The following LRP1B variants were observed in gnomAD, a reference collection of about 807,000 sequenced individuals.
LRP1B encodes the protein low-density lipoprotein receptor-related protein 1B.
LRP1B carries 217 observed loss-of-function variants against 556.6 expected under a neutral mutation model. That is an observed-to-expected ratio of 0.39 (90% CI 0.35 to 0.44). The LOEUF (loss-of-function observed/expected upper bound fraction) is 0.44, where lower values mean the gene tolerates loss of function less well. Ranked by LOEUF, LRP1B falls within the 20% of genes least tolerant of loss-of-function variation. The pLI is 1.00. For synonymous variants in LRP1B, 2,047 were observed against 1,865.8 expected, an observed-to-expected ratio of 1.10 and a Z score of -2.50; for missense variants, 5,053 against 5,620.8, an observed-to-expected ratio of 0.90 and a Z score of 3.23.
At chr2:141,886,982 G>GGGT (rs1699141141) in intron 1 of LRP1B, among the ~76,000 whole-genome samples, 2 of 96,692 alleles carry the variant, frequency 2.1e-5, no homozygotes, top group African/African-American at 8.8e-5. Context: ...TTTTTTTTGG[G>GGGT]TTTTTTGTTT....
At chr2:141,934,145 T>C (rs987991634) in intron 1 of LRP1B, among the ~76,000 whole-genome samples, 2 of 152,134 alleles carry the variant, frequency 1.3e-5, no homozygotes, top group African/African-American at 4.8e-5. Flanking sequence ...TATTGCTTTT[T>C]ATATGTAAAA....
chr2:141,096,480 G>A (rs1422348886), intron 7 of LRP1B, among the ~76,000 whole-genome samples: 4 of 151,798 alleles, frequency 2.6e-5, no homozygotes, highest in Non-Finnish European at 2.9e-5. Context: ...CCCAGCTACT[G>A]GGGAGGCTGA....
intron 32 of LRP1B, among the ~76,000 whole-genome samples, chr2:140,805,479 C>A (rs187820593): frequency 6.6e-6 from 1 of 152,220 alleles, no homozygotes; most frequent in East Asian, 1.9e-4. Flanking sequence ...TATTCTAAGA[C>A]AAATTAAGCA....
intron 2 of LRP1B, among the ~76,000 whole-genome samples, chr2:141,558,043 T>G (rs1031744254): frequency 1.3e-5 from 2 of 151,934 alleles, no homozygotes; most frequent in Non-Finnish European, 2.9e-5. Context: ...TTTGCAGGTC[T>G]GCAATGATAA....
At chr2:140,556,583 A>C (rs1558965811) in intron 43 of LRP1B, among the ~76,000 whole-genome samples, 1 of 152,098 alleles carries the variant, frequency 6.6e-6, no homozygotes, top group Non-Finnish European at 1.5e-5. Flanking sequence ...AAATAAACTT[A>C]TATGCTGTTC....
At chr2:141,638,596 G>A (rs1344858351) in intron 2 of LRP1B, among the ~76,000 whole-genome samples, 4 of 116,542 alleles carry the variant, frequency 3.4e-5, no homozygotes, top group Admixed American at 8.5e-5. Flanking sequence ...CCGAGACCAG[G>A]CAAAGCAGTG....
At chr2:140,413,267 C>T (rs1046271463) in intron 66 of LRP1B, among the ~76,000 whole-genome samples, 8 of 152,108 alleles carry the variant, frequency 5.3e-5, no homozygotes, top group Admixed American at 5.2e-4. Flanking sequence ...AAAATAAAGT[C>T]ATCTTAATCC....
chr2:141,922,505 A>G (rs1385991271), intron 1 of LRP1B, among the ~76,000 whole-genome samples: 1 of 152,200 alleles, frequency 6.6e-6, no homozygotes, highest in Non-Finnish European at 1.5e-5. Flanking sequence ...TTTAGATTAC[A>G]TACAGCTCAT....
chr2:140,697,715 T>C (rs1342783103), intron 41 of LRP1B, among the ~76,000 whole-genome samples: 1 of 152,094 alleles, frequency 6.6e-6, no homozygotes, highest in Non-Finnish European at 1.5e-5. Flanking sequence ...ATTCCACTTA[T>C]ATGAAATATC....
chr2:140,830,980 C>T lies in LRP1B; in HGVS notation c.5209+9011G>A, dbSNP rs938017834. ...AATTGCTACAAAAAATATAAAATGC[C>T]TAGAAATAAATTTAACCAAAGAAAT... is the stretch of plus-strand genomic sequence containing the variant. On this transcript the variant is annotated intron_variant, in intron 31 of 90. Transcript: ENST00000389484. Among the ~76,000 whole-genome samples, 4 of 151,922 alleles carry T rather than the reference C, an allele frequency of 2.6e-5. No individual in the cohort carries two copies. The East Asian group carries it at 7.7e-4, about 29-fold the overall frequency.
chr2:141,347,361 T>C (rs1327511575), intron 3 of LRP1B, among the ~76,000 whole-genome samples: 3 of 152,062 alleles, frequency 2.0e-5, no homozygotes, highest in Non-Finnish European at 4.4e-5. Context: ...CTCAGTTCTT[T>C]CAAAAACAGA....
intron 3 of LRP1B, among the ~76,000 whole-genome samples, chr2:141,418,978 T>C (rs1194526365): frequency 6.6e-6 from 1 of 152,124 alleles, no homozygotes; most frequent in Non-Finnish European, 1.5e-5. Flanking sequence ...CTATTATAAA[T>C]GGGATTCTTT....
At chr2:140,392,570 C>A (rs1426465242) in intron 66 of LRP1B, among the ~76,000 whole-genome samples, 1 of 151,966 alleles carries the variant, frequency 6.6e-6, no homozygotes, top group Admixed American at 6.6e-5. Flanking sequence ...CCACTGCAAC[C>A]TCTACCTCCT....
At chr2:141,153,591 C>CTA (rs1277104527) in intron 7 of LRP1B, among the ~76,000 whole-genome samples, 1 of 129,904 alleles carries the variant, frequency 7.7e-6, no homozygotes, top group East Asian at 2.1e-4. Flanking sequence ...TATATATTAG[C>CTA]TATATATATT....
intron 3 of LRP1B, among the ~76,000 whole-genome samples, chr2:141,442,492 CA>C (rs1681016826): frequency 1.4e-5 from 2 of 146,218 alleles, no homozygotes; most frequent in Admixed American, 1.4e-4. Context: ...AGGTTTGTTA[CA>C]TAGTTATACA....
At position 140,370,784 on chromosome 2, in the gene LRP1B, C is replaced by T. The variant is rs1682959489; in HGVS notation, c.10934G>A (p.Cys3645Tyr). 1 of 1,612,744 alleles carries T rather than the reference C, an allele frequency of 6.2e-7. No homozygotes were observed. Residue 3645 changes from cysteine (C) to tyrosine (Y), a missense_variant, in exon 71 of 91, where the codon TGT (cysteine) becomes TAT (tyrosine). Around this residue, in one of 5 missense-constraint regions of LRP1B, gnomAD observed 599 missense variants for 648.4 expected, o/e 0.92. Transcript: ENST00000389484. Reference sequence around the variant, plus strand: ...ATCACACAGCCATCTAATTGGAATACAGTGGGCTTTATTTTTGCACCGAAA... The same window carrying T: ...ATCACACAGCCATCTAATTGGAATATAGTGGGCTTTATTTTTGCACCGAAA... ...DQFRCKNKAH[C>Y]IPIRWLCDGI...
chr2:141,718,282 A>T (rs1692689209), intron 2 of LRP1B, among the ~76,000 whole-genome samples: 1 of 152,084 alleles, frequency 6.6e-6, no homozygotes, highest in African/African-American at 2.4e-5. Context: ...TTCATGACCT[A>T]CCTGGCTATT....
chr2:141,636,286 TAAAC>T lies in LRP1B; in HGVS notation c.206-155757_206-155754del, dbSNP rs540712344. 1.9e-3 allele frequency among the ~76,000 whole-genome samples: 287 copies of T among 152,184 alleles called. 1 individual carries two copies. The highest frequency in any genetic ancestry group is 6.4e-3 in the African/African-American group (264 of 41,550). ...TATGTAAATTGTTTTATTAAACTGATAAACAAGTCAACAAAAAAAGCATGAACAT... is the reference window on the plus strand; with the variant it reads ...TATGTAAATTGTTTTATTAAACTGATAAGTCAACAAAAAAAGCATGAACAT... On this transcript the variant is annotated intron_variant, in intron 2 of 90. Coordinates refer to ENST00000389484, the MANE Select transcript of LRP1B (RefSeq NM_018557.3).
intron 23 of LRP1B, chr2:140,898,424 T>C (rs1694010762): frequency 5.5e-6 from 1 of 180,296 alleles, no homozygotes; most frequent in Admixed American, 6.0e-5. Flanking sequence ...AGCACTAAAA[T>C]AGGAAATGGT....
Sources: gnomAD v4.1 joint callset for allele counts (sites outside exome capture counted in the v4.1 genomes callset) on GRCh38, gnomAD v4.1.1 for gene constraint, gnomAD v4.1.1 regional missense constraint, MANE v1.5 for transcripts, NCBI Gene and HGNC (gene_info 2026-07-23, HGNC 2026-07-21) for gene names.